The following NAA35 variants were observed in gnomAD, a reference collection of about 807,000 sequenced individuals.
NAA35 encodes the protein MAK10 homolog, amino-acid N-acetyltransferase subunit.
A neutral mutation model predicts 101.7 loss-of-function variants in NAA35; 18 were observed. That is an observed-to-expected ratio of 0.18 (90% confidence interval 0.12 to 0.26). The LOEUF is 0.26. Ranked by LOEUF, NAA35 falls within the 10% of genes least tolerant of loss-of-function variation. The pLI is 1.00. For missense variants in NAA35, 601 were observed against 886.8 expected, an observed-to-expected ratio of 0.68 and a Z score of 4.09; for synonymous variants, 267 against 273.1, an observed-to-expected ratio of 0.98 and a Z score of 0.22.
chr9:85,954,810 G>A (rs528333720), intron 2 of NAA35, among the ~76,000 whole-genome samples: 2 of 152,214 alleles, frequency 1.3e-5, no homozygotes, highest in African/African-American at 4.8e-5. Context: ...CGAATGTTTT[G>A]GTATGATTAT....
intron 6 of NAA35, among the ~76,000 whole-genome samples, chr9:85,974,438 G>T (rs1193154500): frequency 6.6e-6 from 1 of 152,166 alleles, no homozygotes; most frequent in African/African-American, 2.4e-5. Flanking sequence ...TTTGGGGAAT[G>T]GGGGTCCTAT....
chr9:86,017,241 G>T (rs999446790), intron 18 of NAA35, among the ~76,000 whole-genome samples: 2 of 152,206 alleles, frequency 1.3e-5, no homozygotes, highest in African/African-American at 4.8e-5. Flanking sequence ...TATATAAGAG[G>T]TTAAATCTCT....
chr9:85,995,336 A>G (rs1045553799), intron 11 of NAA35, among the ~76,000 whole-genome samples: 51 of 150,798 alleles, frequency 3.4e-4, no homozygotes, highest in African/African-American at 1.2e-3. Flanking sequence ...ATAAAAAATT[A>G]TTTTTTATTT....
rs748636684 is a variant in NAA35, at chr9:86,022,200, T to C, written c.*240T>C. On this transcript the variant is annotated 3_prime_UTR_variant, in exon 23 of 23. Coordinates refer to ENST00000361671, the MANE Select transcript of NAA35 (RefSeq NM_024635.4). Reference sequence around the variant, plus strand: ...TTATTGAATGCATTGATGAACGTTATATGGTTTTATTACAGATTTAATCAC... The same window carrying C: ...TTATTGAATGCATTGATGAACGTTACATGGTTTTATTACAGATTTAATCAC... The C allele has an allele frequency of 1.1e-5, 4 of 362,082 alleles. No homozygotes were observed. Among genetic ancestry groups the C allele is most frequent in the Admixed American group, 4.6e-5 (1 of 21,824 alleles). The allele number at this position is 362,082 out of a possible 1,614,324, so 22.4% of individuals were successfully genotyped here. A position where few individuals can be genotyped will look rare whatever the true frequency, so the allele number is the denominator to read the frequency against.
rs116825658 is a variant in NAA35, at chr9:86,020,860, G to A, written c.2038-29G>A. On this transcript the variant is annotated intron_variant, in intron 21 of 22. Coordinates refer to ENST00000361671, the MANE Select transcript of NAA35 (RefSeq NM_024635.4). The stretch of plus-strand genomic sequence containing the variant: ...GAGAAATTTTGACTATGAAGTTAAT[G>A]TTTCAGTAGTTTTATGTTCATGTTT... 3.0e-3 allele frequency: 4,670 copies of A among 1,533,996 alleles called. 97 individuals carry two copies. In the African/African-American group the frequency reaches 0.047, roughly 16 times the overall value.
At chr9:85,955,834 A>T (rs2118329950) in intron 2 of NAA35, among the ~76,000 whole-genome samples, 1 of 152,298 alleles carries the variant, frequency 6.6e-6, no homozygotes, top group East Asian at 1.9e-4. Flanking sequence ...GTTGACCCTA[A>T]TATGCAGCCA....
At chr9:86,007,016 A>T (rs1831674464) in intron 13 of NAA35, among the ~76,000 whole-genome samples, 1 of 152,226 alleles carries the variant, frequency 6.6e-6, no homozygotes. Flanking sequence ...GGATTATCAA[A>T]TAACATGTAT....
intron 17 of NAA35, among the ~76,000 whole-genome samples, chr9:86,015,106 G>T (rs1185217717): frequency 6.6e-6 from 1 of 152,058 alleles, no homozygotes; most frequent in Non-Finnish European, 1.5e-5. Context: ...AGGTTCTTTT[G>T]TGGCTTGAAG....
chr9:86,007,443 G>C lies in NAA35; in HGVS notation c.1202G>C (p.Ser401Thr). ...AAAGATGCACTTCGGTCTTTTGTCA[G>C]TCCTCCGGTGCTTTCCCCCAAGTAA... ...MVKDALRSFV[S>T]PPVLSPKCYL... is the part of the protein sequence containing the mutation. Residue 401 changes from serine (S) to threonine (T), a missense_variant, in exon 14 of 23, where the codon AGT becomes ACT. Transcript: ENST00000361671. The C allele has an allele frequency of 6.2e-7, 1 of 1,613,464 alleles. No individual in the cohort carries two copies.
intron 6 of NAA35, chr9:85,966,744 G>A: frequency 1.6e-6 from 1 of 641,210 alleles, no homozygotes; most frequent in Non-Finnish European, 2.4e-6. Context: ...TTAATAATGT[G>A]TATATCAAGA....
chr9:86,021,760 C>T lies in NAA35; in HGVS notation c.2119-141C>T, dbSNP rs1264425669. On this transcript the variant is annotated intron_variant, in intron 22 of 22. Transcript: ENST00000361671. ...CCAGGTTAGTTCCTACCTTTTTTGT[C>T]ATTAACCTAGTTTTTAAAATCTATT... is the stretch of plus-strand genomic sequence containing the variant. 13 of 672,478 alleles carry T rather than the reference C, an allele frequency of 1.9e-5. No individual in the cohort carries two copies. In the African/African-American group the frequency reaches 2.3e-4, roughly 12 times the overall value. 41.7% of individuals were successfully genotyped at this position (672,478 alleles called of 1,614,324 possible).
At chr9:86,004,779 T>C (rs1184225822) in intron 13 of NAA35, among the ~76,000 whole-genome samples, 1 of 152,202 alleles carries the variant, frequency 6.6e-6, no homozygotes, top group Non-Finnish European at 1.5e-5. Context: ...TATACAACTC[T>C]GTCCATAAAT....
chr9:85,979,269 G>A (rs530622680), intron 11 of NAA35, among the ~76,000 whole-genome samples: 4 of 152,280 alleles, frequency 2.6e-5, no homozygotes, highest in South Asian at 4.1e-4. Context: ...CCATTGGCTG[G>A]AACAGGACCT....
rs536696695 is a variant in NAA35, at chr9:86,022,629, T to C, written c.*669T>C. Among the ~76,000 whole-genome samples the C allele has an allele frequency of 6.6e-6, 1 of 152,356 alleles. No homozygotes were observed. The highest frequency in any genetic ancestry group is 6.5e-5 in the Admixed American group (1 of 15,308). On this transcript the variant is annotated 3_prime_UTR_variant, in exon 23 of 23. Transcript: ENST00000361671. Reference sequence around the variant, plus strand: ...TGGTGACATGCAAAAAGGAGGCAGATAGAAATGTATATAGATTAAAATTTA... The same window carrying C: ...TGGTGACATGCAAAAAGGAGGCAGACAGAAATGTATATAGATTAAAATTTA...
At chr9:86,007,119 A>AT (rs1292904731) in intron 13 of NAA35, among the ~76,000 whole-genome samples, 1 of 152,170 alleles carries the variant, frequency 6.6e-6, no homozygotes, top group African/African-American at 2.4e-5. Context: ...GACTATTTTA[A>AT]TATTACTACT....
intron 6 of NAA35, among the ~76,000 whole-genome samples, chr9:85,967,480 A>G (rs1829802912): frequency 1.3e-5 from 2 of 152,066 alleles, no homozygotes; most frequent in South Asian, 4.1e-4. Context: ...AAAAATACGA[A>G]TCTAGTAAAG....
rs188488024 is a variant in NAA35 at position 86,024,436 on chromosome 9, A to G, written c.*2476A>G. Among the ~76,000 whole-genome samples the G allele has an allele frequency of 1.3e-5, 2 of 152,314 alleles. No homozygotes were observed. Among genetic ancestry groups the G allele is most frequent in the Admixed American group, 1.3e-4 (2 of 15,306 alleles). ...CTTTATTCTGATATTGGTAGATTCT[A>G]CTGAAGGCTTGTATGCAGGGACATG... On this transcript the variant is annotated 3_prime_UTR_variant, in exon 23 of 23. Transcript: ENST00000361671.
At chr9:85,955,360 A>ATATTTTT (rs749448250) in intron 2 of NAA35, among the ~76,000 whole-genome samples, 1 of 53,932 alleles carries the variant, frequency 1.9e-5, no homozygotes, top group Non-Finnish European at 3.0e-5. Context: ...ATATATATAT[A>ATATTTTT]TTTTTTTTTT....
At chr9:85,994,024 T>C (rs1238661209) in intron 11 of NAA35, among the ~76,000 whole-genome samples, 1 of 151,864 alleles carries the variant, frequency 6.6e-6, no homozygotes, top group East Asian at 1.9e-4. Flanking sequence ...TAAAAATATA[T>C]GCTAAACAGT....
Sources: gnomAD v4.1 joint callset for allele counts (sites outside exome capture counted in the v4.1 genomes callset) on GRCh38, gnomAD v4.1.1 for gene constraint, MANE v1.5 for transcripts, NCBI Gene and HGNC (gene_info 2026-07-23, HGNC 2026-07-21) for gene names.